HNRNPC: variants seen among roughly 807,000 people sequenced by gnomAD.
The protein encoded by HNRNPC is heterogeneous nuclear ribonucleoproteins C1/C2.
In HNRNPC, 3 loss-of-function variants were observed where a neutral mutation model predicts 33.2. The ratio of observed to expected loss-of-function variants is 0.09; its 90% CI spans 0.04 to 0.23. HNRNPC has a LOEUF of 0.23. Ranked by LOEUF, HNRNPC falls within the 10% of genes least tolerant of loss-of-function variation. HNRNPC has a pLI of 1.00. For synonymous variants in HNRNPC, 121 were observed against 126.7 expected, an observed-to-expected ratio of 0.96 and a Z score of 0.30; for missense variants, 143 against 366.7, an observed-to-expected ratio of 0.39 and a Z score of 4.98.
At chr14:21,262,145 GC>G (rs1283541057) in intron 2 of HNRNPC, among the ~76,000 whole-genome samples, 1 of 152,086 alleles carries the variant, frequency 6.6e-6, no homozygotes, top group Non-Finnish European at 1.5e-5. Context: ...CAGTGAGACA[GC>G]ATTTTAATAT....
In HNRNPC at chr14:21,258,389, CAAAAAAA is replaced by C. The variant is rs200828812; in HGVS notation, c.-37+4915_-37+4921del. 4.1e-4 allele frequency among the ~76,000 whole-genome samples: 54 copies of C among 132,740 alleles called. 1 individual carries two copies. The South Asian group carries it at 0.011, about 26-fold the overall frequency. The allele number at this position is 132,740 out of a possible 152,430, so 87.1% of individuals were successfully genotyped here. A position where few individuals can be genotyped will look rare whatever the true frequency, so the allele number is the denominator to read the frequency against. On this transcript the variant is annotated intron_variant, in intron 2 of 8. Transcript: ENST00000553300. ...CTGGTGACAGAGCGAGACTATGTCT[CAAAAAAA>C]AAAAAAAGTTCAACATATCAAAGTG...
At chr14:21,212,260 C>G (rs551671747) in intron 6 of HNRNPC, among the ~76,000 whole-genome samples, 4 of 152,112 alleles carry the variant, frequency 2.6e-5, no homozygotes, top group Admixed American at 1.3e-4. Context: ...TTAGCCTCCC[C>G]CTAAGCATCT....
At chr14:21,242,611 G>C (rs7155916) in intron 2 of HNRNPC, among the ~76,000 whole-genome samples, 24,260 of 152,182 alleles carry the variant, frequency 0.16, 2,212 homozygotes, top group Admixed American at 0.24. Context: ...GTGGAGTACA[G>C]GATTTGCAAA....
intron 2 of HNRNPC, among the ~76,000 whole-genome samples, chr14:21,246,311 G>A (rs1243414919): frequency 6.6e-6 from 1 of 152,100 alleles, no homozygotes; most frequent in Non-Finnish European, 1.5e-5. Context: ...TATAATCCCA[G>A]CACTTTGGAA....
At chr14:21,244,350 T>C (rs570803198) in intron 2 of HNRNPC, among the ~76,000 whole-genome samples, 44 of 152,334 alleles carry the variant, frequency 2.9e-4, no homozygotes, top group African/African-American at 1.1e-3. Flanking sequence ...TTCCTTTCAA[T>C]GTATGAGTGA....
intron 5 of HNRNPC, among the ~76,000 whole-genome samples, chr14:21,213,821 G>C (rs1330385465): frequency 2.0e-5 from 3 of 152,122 alleles, no homozygotes; most frequent in African/African-American, 4.8e-5. Flanking sequence ...TGTCTATCTT[G>C]TTCACTACTC....
chr14:21,245,933 C>T (rs1895935713), intron 2 of HNRNPC, among the ~76,000 whole-genome samples: 1 of 152,164 alleles, frequency 6.6e-6, no homozygotes, highest in Admixed American at 6.5e-5. Context: ...ACAACCTCCA[C>T]CTCCCAGGTT....
chr14:21,227,646 G>A (rs548506526), intron 5 of HNRNPC, among the ~76,000 whole-genome samples: 5 of 152,286 alleles, frequency 3.3e-5, no homozygotes, highest in Admixed American at 6.5e-5. Context: ...TTCTGCAAAC[G>A]TGATTTCTTT....
In HNRNPC at chr14:21,259,153, G is replaced by C. The variant is rs180816129; in HGVS notation, c.-37+4158C>G. The stretch of plus-strand genomic sequence containing the variant: ...ATTTTCCAGTATTATTTCTTACTTG[G>C]AGGCCAAGTCTTGTTCCCCCTCATT... On this transcript the variant is annotated intron_variant, in intron 2 of 8. Transcript: ENST00000553300. Among the ~76,000 whole-genome samples, 39 of 152,044 alleles carry C rather than the reference G, an allele frequency of 2.6e-4. 1 individual carries two copies. Among genetic ancestry groups the C allele is most frequent in the Admixed American group, 2.2e-3 (33 of 15,268 alleles).
chr14:21,222,140 C>T (rs1892897028), intron 5 of HNRNPC, among the ~76,000 whole-genome samples: 1 of 151,368 alleles, frequency 6.6e-6, no homozygotes, highest in Non-Finnish European at 1.5e-5. Context: ...GATACCACCA[C>T]ACTCTCACTA....
At chr14:21,249,751 A>AT (rs1896419710) in intron 2 of HNRNPC, among the ~76,000 whole-genome samples, 1 of 152,252 alleles carries the variant, frequency 6.6e-6, no homozygotes, top group Admixed American at 6.5e-5. Context: ...TTGTGCCATC[A>AT]TTAAAGTGTT....
intron 2 of HNRNPC, among the ~76,000 whole-genome samples, chr14:21,246,552 G>C (rs1193976001): frequency 6.7e-6 from 1 of 148,272 alleles, no homozygotes; most frequent in African/African-American, 2.5e-5. Context: ...GGGAGACAGA[G>C]TGAGACTCCG....
chr14:21,225,647 T>C (rs1451378765), intron 5 of HNRNPC, among the ~76,000 whole-genome samples: 5 of 152,082 alleles, frequency 3.3e-5, no homozygotes, highest in Middle Eastern at 3.2e-3. Context: ...TATCCTGATG[T>C]AGGTAGGGTC....
chr14:21,256,354 CAGG>C (rs1674011848), intron 2 of HNRNPC, among the ~76,000 whole-genome samples: 1 of 151,896 alleles, frequency 6.6e-6, no homozygotes, highest in Non-Finnish European at 1.5e-5. Context: ...AAGGCTGAGG[CAGG>C]AGAACTGCTT....
chr14:21,242,757 T>C (rs1250206928), intron 2 of HNRNPC, among the ~76,000 whole-genome samples: 1 of 152,196 alleles, frequency 6.6e-6, no homozygotes, highest in Non-Finnish European at 1.5e-5. Flanking sequence ...GTGACACACT[T>C]AAACACGCAT....
At chr14:21,212,875 G>A (rs768016918) in intron 6 of HNRNPC, 85 bp downstream of exon 6, 11 of 1,519,150 alleles carry the variant, frequency 7.2e-6, no homozygotes, top group Non-Finnish European at 1.0e-5. Context: ...ACAAAGTCAT[G>A]TGGCACAAAA....
At chr14:21,218,904 G>C (rs539883384) in intron 5 of HNRNPC, among the ~76,000 whole-genome samples, 24 of 151,886 alleles carry the variant, frequency 1.6e-4, no homozygotes, top group Non-Finnish European at 2.5e-4. Context: ...GAGATCAGGA[G>C]TTCAAGAATA....
At chr14:21,213,157 C>T (rs1891801133) in intron 5 of HNRNPC, 40 bp from the exon 6 acceptor site, 1 of 1,594,694 alleles carries the variant, frequency 6.3e-7, no homozygotes, top group South Asian at 1.1e-5. Context: ...TCAAACCTAA[C>T]ATTAACTCAG....
At chr14:21,215,834 G>T (rs1892094081) in intron 5 of HNRNPC, among the ~76,000 whole-genome samples, 1 of 150,164 alleles carries the variant, frequency 6.7e-6, no homozygotes, top group East Asian at 1.9e-4. Flanking sequence ...GGAAGGCAGA[G>T]GTTGCAGTGA....
Sources: allele counts gnomAD v4.1 joint callset (sites outside exome capture counted in the v4.1 genomes callset), GRCh38; gene constraint gnomAD v4.1.1; transcripts MANE v1.5; gene names NCBI Gene and HGNC (gene_info 2026-07-23, HGNC 2026-07-21).